The following FHOD3 variants were observed in gnomAD, a reference collection of about 807,000 sequenced individuals.
The protein encoded by FHOD3 is formin homology 2 domain containing 3, also known as FH1/FH2 domain-containing protein 3.
In FHOD3, 90 loss-of-function variants were observed where a neutral mutation model predicts 173.0. That is an observed-to-expected ratio of 0.52 (90% CI 0.44 to 0.62). The LOEUF (loss-of-function observed/expected upper bound fraction) is 0.62, where lower values mean the gene tolerates loss of function less well. Among genes scored for constraint, FHOD3 ranks in the 20% least tolerant of loss-of-function variants. The pLI is 0.00. For missense variants in FHOD3, 1,945 were observed against 2,034.7 expected (o/e 0.96, Z 0.85); for synonymous variants, 828 against 823.0 (o/e 1.01, Z -0.10).
At chr18:36,442,191 T>C (rs2051191620) in intron 3 of FHOD3, among the ~76,000 whole-genome samples, 1 of 152,224 alleles carries the variant, frequency 6.6e-6, no homozygotes, top group Non-Finnish European at 1.5e-5. Flanking sequence ...CTCTGTTTCA[T>C]GTAATGTGTT....
chr18:36,373,192 C>T (rs919098141), intron 3 of FHOD3, among the ~76,000 whole-genome samples: 1 of 152,146 alleles, frequency 6.6e-6, no homozygotes, highest in African/African-American at 2.4e-5. Context: ...GGGCAAGATG[C>T]TCTTAAGCAA....
At chr18:36,458,064 G>T (rs1282977117) in intron 3 of FHOD3, among the ~76,000 whole-genome samples, 1 of 152,100 alleles carries the variant, frequency 6.6e-6, no homozygotes, top group African/African-American at 2.4e-5. Context: ...GGAGTAGGTG[G>T]CTTCCTTCAC....
chr18:36,683,950 C>G (rs1458918744), intron 15 of FHOD3, among the ~76,000 whole-genome samples: 1 of 152,196 alleles, frequency 6.6e-6, no homozygotes, highest in Non-Finnish European at 1.5e-5. Flanking sequence ...AGCCTTCTGG[C>G]TGGAGGACCA....
At chr18:36,347,316 A>G (rs1048099155) in intron 1 of FHOD3, among the ~76,000 whole-genome samples, 10 of 152,226 alleles carry the variant, frequency 6.6e-5, no homozygotes, top group African/African-American at 2.4e-4. Context: ...AATAATTCAA[A>G]TGTTTACCTA....
At position 36,323,226 on chromosome 18, in the gene FHOD3, A is replaced by G. The variant is rs563194586; in HGVS notation, c.165+25226A>G. On this transcript the variant is annotated intron_variant, in intron 1 of 28. Coordinates refer to ENST00000590592, the MANE Select transcript of FHOD3 (RefSeq NM_001281740.3). The stretch of plus-strand genomic sequence containing the variant: ...TATGTCAGGGCTGGGAGTCTCTGAC[A>G]GGGGAAGTTGGGAACTCAAAGGCCA... 1.8e-3 allele frequency among the ~76,000 whole-genome samples: 270 copies of G among 152,322 alleles called. 1 individual carries two copies. Among genetic ancestry groups the G allele is most frequent in the Non-Finnish European group, 2.9e-3 (197 of 68,016 alleles).
chr18:36,550,935 A>G (rs2057626316), intron 5 of FHOD3, among the ~76,000 whole-genome samples: 2 of 152,120 alleles, frequency 1.3e-5, no homozygotes, highest in African/African-American at 2.4e-5. Flanking sequence ...TGCACTGGCT[A>G]TAATGTGGAA....
At chr18:36,626,357 G>T (rs2034108179) in intron 10 of FHOD3, among the ~76,000 whole-genome samples, 1 of 152,190 alleles carries the variant, frequency 6.6e-6, no homozygotes, top group Non-Finnish European at 1.5e-5. Context: ...TCACGTTTGG[G>T]CTGGGAGGAA....
chr18:36,706,714 A>G (rs2039900473), intron 17 of FHOD3, among the ~76,000 whole-genome samples: 1 of 152,210 alleles, frequency 6.6e-6, no homozygotes, highest in African/African-American at 2.4e-5. Flanking sequence ...ACACAGGCTT[A>G]TGGCAGCCAA....
intron 17 of FHOD3, among the ~76,000 whole-genome samples, chr18:36,700,477 C>T (rs1742334953): frequency 1.3e-5 from 2 of 152,174 alleles, no homozygotes; most frequent in Non-Finnish European, 2.9e-5. Flanking sequence ...TTTTTGATTC[C>T]TCCTTCAACA....
At chr18:36,547,561 G>T (rs1012927709) in intron 5 of FHOD3, among the ~76,000 whole-genome samples, 1 of 152,106 alleles carries the variant, frequency 6.6e-6, no homozygotes, top group African/African-American at 2.4e-5. Context: ...ATGAGCCACC[G>T]TGCCCAGCTG....
chr18:36,638,395 G>A (rs1380190225), intron 10 of FHOD3, among the ~76,000 whole-genome samples: 2 of 152,192 alleles, frequency 1.3e-5, no homozygotes, highest in Non-Finnish European at 2.9e-5. Flanking sequence ...GTTGCACAGT[G>A]AGCAGACCAG....
intron 20 of FHOD3, 120 bp from the exon 21 acceptor site, chr18:36,740,536 A>G: frequency 9.8e-7 from 1 of 1,016,774 alleles, no homozygotes; most frequent in Non-Finnish European, 1.4e-6. Flanking sequence ...TGACAATATA[A>G]CACCTGTACA....
intron 19 of FHOD3, among the ~76,000 whole-genome samples, chr18:36,726,081 T>A (rs1249536133): frequency 6.6e-6 from 1 of 151,588 alleles, no homozygotes; most frequent in Non-Finnish European, 1.5e-5. Context: ...GGATTATGTA[T>A]ATGCAAAATA....
intron 3 of FHOD3, among the ~76,000 whole-genome samples, chr18:36,401,787 C>T (rs972487180): frequency 1.3e-5 from 2 of 152,198 alleles, no homozygotes; most frequent in Non-Finnish European, 1.5e-5. Context: ...TGTTCTATCC[C>T]TCACACGGTA....
At chr18:36,334,337 A>G (rs923647591) in intron 1 of FHOD3, among the ~76,000 whole-genome samples, 4 of 152,212 alleles carry the variant, frequency 2.6e-5, no homozygotes, top group African/African-American at 9.7e-5. Flanking sequence ...TTCCATAGAC[A>G]CTGACATGAG....
intron 15 of FHOD3, among the ~76,000 whole-genome samples, chr18:36,682,414 A>G (rs533831412): frequency 7.9e-5 from 12 of 151,526 alleles, no homozygotes; most frequent in Non-Finnish European, 1.0e-4. Context: ...CATTTACCCT[A>G]TAGCTTCTAC....
intron 2 of FHOD3, among the ~76,000 whole-genome samples, chr18:36,370,809 C>A (rs957874460): frequency 2.6e-5 from 4 of 152,206 alleles, no homozygotes; most frequent in Non-Finnish European, 5.9e-5. Context: ...TAGAGCCTGG[C>A]CCCTGGCAGG....
intron 21 of FHOD3, among the ~76,000 whole-genome samples, chr18:36,741,558 C>G (rs1437906315): frequency 6.6e-6 from 1 of 152,046 alleles, no homozygotes; most frequent in Non-Finnish European, 1.5e-5. Flanking sequence ...TGGCTTGAAG[C>G]CTGGAGTTCA....
At chr18:36,769,509 C>G in intron 28 of FHOD3, 83 bp downstream of exon 28, 1 of 1,491,540 alleles carries the variant, frequency 6.7e-7, no homozygotes, top group Middle Eastern at 2.3e-4. Context: ...AAGGTGGAGA[C>G]ACAGCTCCAG....
Sources: allele counts gnomAD v4.1 joint callset (sites outside exome capture counted in the v4.1 genomes callset), GRCh38; gene constraint gnomAD v4.1.1; transcripts MANE v1.5; gene names NCBI Gene and HGNC (gene_info 2026-07-23, HGNC 2026-07-21).